Variants in WDPCP observed in about 807,000 individuals in gnomAD.
The protein encoded by WDPCP is WD repeat-containing and planar cell polarity effector protein fritz homolog.
WDPCP carries 71 observed loss-of-function variants against 93.1 expected under a neutral mutation model. That is an observed-to-expected ratio of 0.76 (90% CI 0.63 to 0.93). WDPCP has a LOEUF of 0.93. WDPCP is among the 40% of genes least tolerant of loss of function. WDPCP has a pLI of 0.00. For synonymous variants in WDPCP, 315 were observed against 315.0 expected, an observed-to-expected ratio of 1.00 and a Z score of 0.00; for missense variants, 844 against 887.4, an observed-to-expected ratio of 0.95 and a Z score of 0.62.
chr2:63,234,470 A>G (rs1035399153), intron 14 of WDPCP, among the ~76,000 whole-genome samples: 1 of 151,928 alleles, frequency 6.6e-6, no homozygotes, highest in Non-Finnish European at 1.5e-5. Context: ...AAATGATGCA[A>G]GTAATCCCTT....
At chr2:63,784,433 A>G (rs1038837002) in intron 2 of WDPCP, among the ~76,000 whole-genome samples, 1 of 152,186 alleles carries the variant, frequency 6.6e-6, no homozygotes, top group African/African-American at 2.4e-5. Context: ...GCATAAGAGA[A>G]TGTGGGTCCA....
chr2:63,538,476 T>G (rs551104415), intron 1 of WDPCP, among the ~76,000 whole-genome samples: 121 of 152,288 alleles, frequency 7.9e-4, no homozygotes, highest in African/African-American at 2.7e-3. Context: ...ATAAAAAAAT[T>G]GCCTTTGACA....
At chr2:63,516,990 C>CA (rs1445708285) in intron 1 of WDPCP, among the ~76,000 whole-genome samples, 2 of 151,516 alleles carry the variant, frequency 1.3e-5, no homozygotes, top group East Asian at 3.9e-4. Context: ...AAAAGAAAAA[C>CA]AAAAACCTAC....
chr2:63,426,641 A>G (rs536083466), intron 9 of WDPCP, among the ~76,000 whole-genome samples: 1 of 152,320 alleles, frequency 6.6e-6, no homozygotes, highest in Non-Finnish European at 1.5e-5. Flanking sequence ...ACTACACATC[A>G]AAAGCAACTA....
At chr2:63,325,741 C>G (rs1687484263) in intron 12 of WDPCP, among the ~76,000 whole-genome samples, 1 of 152,184 alleles carries the variant, frequency 6.6e-6, no homozygotes, top group Admixed American at 6.5e-5. Flanking sequence ...GAGCTATTAG[C>G]TACACGAATA....
intron 14 of WDPCP, among the ~76,000 whole-genome samples, chr2:63,223,813 C>G (rs1366129502): frequency 1.3e-5 from 2 of 152,086 alleles, no homozygotes; most frequent in East Asian, 3.8e-4. Flanking sequence ...CTCTTCTGCA[C>G]TACAGTGTCA....
At chr2:63,513,903 T>C (rs1272746755) in intron 1 of WDPCP, among the ~76,000 whole-genome samples, 1 of 152,170 alleles carries the variant, frequency 6.6e-6, no homozygotes, top group Non-Finnish European at 1.5e-5. Flanking sequence ...CATAAGACTT[T>C]TGGTTAAATA....
At chr2:63,276,840 T>C (rs1046381978) in intron 13 of WDPCP, among the ~76,000 whole-genome samples, 2 of 152,200 alleles carry the variant, frequency 1.3e-5, no homozygotes, top group African/African-American at 4.8e-5. Flanking sequence ...TTAGCCTTGC[T>C]AGAGATCTAG....
intron 6 of WDPCP, chr2:63,442,928 G>T (rs996606774): frequency 1.1e-4 from 16 of 152,042 alleles, no homozygotes; most frequent in Non-Finnish European, 1.9e-4. Flanking sequence ...AACTTATGCC[G>T]GAAAAGATTC....
chr2:63,147,820 T>A (rs1307268903), intron 17 of WDPCP, among the ~76,000 whole-genome samples: 1 of 151,922 alleles, frequency 6.6e-6, no homozygotes, highest in East Asian at 1.9e-4. Flanking sequence ...AATGCAAACA[T>A]TAGCTGGGAG....
chr2:63,343,340 GC>G, intron 12 of WDPCP, among the ~76,000 whole-genome samples: 1 of 151,774 alleles, frequency 6.6e-6, no homozygotes, highest in Non-Finnish European at 1.5e-5. Flanking sequence ...CTGCCTTCTG[GC>G]CTCAATGATT....
At chr2:63,224,763 G>C (rs1678142196) in intron 14 of WDPCP, among the ~76,000 whole-genome samples, 1 of 151,928 alleles carries the variant, frequency 6.6e-6, no homozygotes, top group African/African-American at 2.4e-5. Context: ...GAGCACAGAG[G>C]ATTCTAAGGA....
At chr2:63,838,816 C>T in the WDPCP span, among the ~76,000 whole-genome samples, 1 of 152,148 alleles carries the variant, frequency 6.6e-6, no homozygotes, top group African/African-American at 2.4e-5. Context: ...TTAAGAACTC[C>T]ACCTCTTTCT....
At chr2:63,330,245 T>A (rs1049807925) in intron 12 of WDPCP, among the ~76,000 whole-genome samples, 4 of 152,230 alleles carry the variant, frequency 2.6e-5, no homozygotes, top group Admixed American at 6.5e-5. Context: ...AGCCACTTGT[T>A]ACCTTTTGAC....
intron 2 of WDPCP, among the ~76,000 whole-genome samples, chr2:63,793,031 G>T (rs1416829015): frequency 6.6e-6 from 1 of 151,924 alleles, no homozygotes; most frequent in African/African-American, 2.4e-5. Flanking sequence ...AAATGTAAAT[G>T]TCATCACAGA....
the WDPCP span, among the ~76,000 whole-genome samples, chr2:63,838,637 T>C: frequency 3.3e-5 from 5 of 152,062 alleles, no homozygotes; most frequent in South Asian, 2.1e-4. Flanking sequence ...TTTCTAATGA[T>C]ACAGATTATC....
At chr2:63,498,815 G>T (rs770845737) in intron 1 of WDPCP, among the ~76,000 whole-genome samples, 6 of 152,166 alleles carry the variant, frequency 3.9e-5, no homozygotes, top group Non-Finnish European at 7.4e-5. Flanking sequence ...AGAAGACATT[G>T]CTGTAGTTAT....
intron 6 of WDPCP, among the ~76,000 whole-genome samples, chr2:63,447,314 C>T (rs1697930658): frequency 6.6e-6 from 1 of 152,062 alleles, no homozygotes; most frequent in African/African-American, 2.4e-5. Context: ...CAAACTTCAA[C>T]TTCTTGCCTT....
chr2:63,251,405 A>C (rs1055876080), intron 14 of WDPCP, among the ~76,000 whole-genome samples: 2 of 152,034 alleles, frequency 1.3e-5, no homozygotes, highest in African/African-American at 2.4e-5. Context: ...ACAACCTCCC[A>C]AGATTGAGCC....
Sources: gnomAD v4.1 joint callset for allele counts (sites outside exome capture counted in the v4.1 genomes callset) on GRCh38, gnomAD v4.1.1 for gene constraint, MANE v1.5 for transcripts, NCBI Gene and HGNC (gene_info 2026-07-23, HGNC 2026-07-21) for gene names.